COL24A1: variants seen among roughly 807,000 people sequenced by gnomAD.
The protein encoded by COL24A1 is collagen alpha-1(XXIV) chain.
In COL24A1, 224 loss-of-function variants were observed where a neutral mutation model predicts 253.9. The ratio of observed to expected loss-of-function variants is 0.88; its 90% CI spans 0.79 to 0.99. The LOEUF is 0.99. COL24A1 is among the 50% of genes least tolerant of loss of function. The probability of loss-of-function intolerance (pLI) is 0.00; values close to 1 mark genes in which losing one functional copy is unlikely to be tolerated. For missense variants in COL24A1, 2,131 were observed against 2,068.5 expected (o/e 1.03, Z -0.59); for synonymous variants, 685 against 673.7 (o/e 1.02, Z -0.26).
At position 85,874,658 on chromosome 1, in the gene COL24A1, T is replaced by C. The variant is rs200035755; in HGVS notation, c.3129A>G (p.Pro1043=). 35 of 1,612,512 alleles carry C rather than the reference T, an allele frequency of 2.2e-5. No homozygotes were observed. The highest frequency in any genetic ancestry group is 2.8e-5 in the Non-Finnish European group (33 of 1,179,942). ...TCAAGGGGGCACTCACCCGTAAACC[T>C]GGTTCCCCAGTTCCTCCAACACTGC... The part of the protein sequence containing the change: ...TAGSVGGTGE[P]GLRGEPGAPG... Residue 1043 remains proline (P), a synonymous_variant, in exon 35 of 60, where the codon CCA becomes CCG. Coordinates refer to ENST00000370571, the MANE Select transcript of COL24A1 (RefSeq NM_152890.7).
At chr1:86,121,230 T>C (rs1380851318) in intron 3 of COL24A1, among the ~76,000 whole-genome samples, 3 of 152,138 alleles carry the variant, frequency 2.0e-5, no homozygotes, top group African/African-American at 7.2e-5. Context: ...ACATGGCACA[T>C]GTATACATAT....
intron 59 of COL24A1, among the ~76,000 whole-genome samples, chr1:85,731,978 TA>T (rs1178479063): frequency 6.6e-6 from 1 of 151,920 alleles, no homozygotes; most frequent in African/African-American, 2.4e-5. Flanking sequence ...CACAAAAAAC[TA>T]AAAAACAGAA....
At chr1:86,023,153 T>C in intron 14 of COL24A1, 146 bp from the exon 15 acceptor site, 1 of 660,652 alleles carries the variant, frequency 1.5e-6, no homozygotes, top group Non-Finnish European at 2.6e-6. Flanking sequence ...CTTATTTTTC[T>C]CTCCACATTT....
intron 8 of COL24A1, among the ~76,000 whole-genome samples, chr1:86,059,895 T>A (rs757577326): frequency 1.3e-4 from 20 of 152,096 alleles, no homozygotes; most frequent in Non-Finnish European, 2.8e-4. Context: ...CAGTCTGTAA[T>A]CCAAAAGATA....
chr1:85,865,420 C>T (rs957425751), intron 37 of COL24A1, among the ~76,000 whole-genome samples: 1 of 152,076 alleles, frequency 6.6e-6, no homozygotes, highest in Non-Finnish European at 1.5e-5. Flanking sequence ...TAAAAAAACA[C>T]ACATGTGGTG....
chr1:85,781,471 C>A (rs1370556053), intron 51 of COL24A1, among the ~76,000 whole-genome samples, 198 bp from the exon 52 acceptor site: 1 of 152,042 alleles, frequency 6.6e-6, no homozygotes, highest in Non-Finnish European at 1.5e-5. Flanking sequence ...ATTAAAGTCT[C>A]TTATCAGGAG....
chr1:85,849,271 A>G, intron 38 of COL24A1, 82 bp downstream of exon 38: 1 of 970,750 alleles, frequency 1.0e-6, no homozygotes, highest in Non-Finnish European at 1.6e-6. Flanking sequence ...ATCTAGTCCA[A>G]ATTAAAAACA....
At chr1:86,147,406 A>T (rs894361425) in intron 1 of COL24A1, among the ~76,000 whole-genome samples, 6 of 152,242 alleles carry the variant, frequency 3.9e-5, no homozygotes, top group Non-Finnish European at 8.8e-5. Flanking sequence ...CACAGCTCTT[A>T]TAAGACAAGG....
At chr1:85,939,797 T>C (rs1211845597) in intron 24 of COL24A1, among the ~76,000 whole-genome samples, 4 of 152,154 alleles carry the variant, frequency 2.6e-5, no homozygotes, top group Non-Finnish European at 5.9e-5. Flanking sequence ...ATCTAGTGCC[T>C]AAGGAGTTCA....
chr1:86,023,459 G>A (rs527668946), intron 14 of COL24A1, among the ~76,000 whole-genome samples: 1 of 152,060 alleles, frequency 6.6e-6, no homozygotes, highest in South Asian at 2.1e-4. Context: ...CTAATGATTT[G>A]ATTTTATAAT....
At chr1:85,830,637 A>C (rs1675113144) in intron 43 of COL24A1, among the ~76,000 whole-genome samples, 1 of 152,110 alleles carries the variant, frequency 6.6e-6, no homozygotes, top group Admixed American at 6.6e-5. Flanking sequence ...TGCTGTTTTT[A>C]AAGCCCGTCG....
At chr1:85,961,541 G>T (rs182802270) in intron 23 of COL24A1, among the ~76,000 whole-genome samples, 105 of 152,192 alleles carry the variant, frequency 6.9e-4, no homozygotes, top group African/African-American at 2.0e-3. Flanking sequence ...TAAAAACTCT[G>T]TTATAGTATT....
rs186063872 is a variant in COL24A1 at position 85,864,110 on chromosome 1, T to C, written c.3300+4409A>G. Among the ~76,000 whole-genome samples the C allele has an allele frequency of 6.1e-4, 93 of 152,286 alleles. 1 individual carries two copies. The highest frequency in any genetic ancestry group is 2.1e-3 in the African/African-American group (89 of 41,566). On this transcript the variant is annotated intron_variant, in intron 37 of 59. Coordinates refer to ENST00000370571, the MANE Select transcript of COL24A1 (RefSeq NM_152890.7). Reference sequence around the variant, plus strand: ...AAAAACACATGCACACGTGGGTTTATTGCAGCACTATTCACAATAGCAAAG... The same window carrying C: ...AAAAACACATGCACACGTGGGTTTACTGCAGCACTATTCACAATAGCAAAG...
intron 3 of COL24A1, among the ~76,000 whole-genome samples, chr1:86,117,834 G>A (rs943242207): frequency 1.3e-5 from 2 of 152,102 alleles, no homozygotes; most frequent in African/African-American, 4.8e-5. Context: ...AAAAAGTAAT[G>A]GTTTTGCAAT....
intron 24 of COL24A1, among the ~76,000 whole-genome samples, chr1:85,912,500 T>C (rs1685470866): frequency 6.6e-6 from 1 of 152,206 alleles, no homozygotes; most frequent in Non-Finnish European, 1.5e-5. Flanking sequence ...CATACGATAG[T>C]ATACATTAGC....
chr1:85,865,607 C>T (rs968512463), intron 37 of COL24A1, among the ~76,000 whole-genome samples: 1 of 152,150 alleles, frequency 6.6e-6, no homozygotes, highest in African/African-American at 2.4e-5. Context: ...GGATTCCTTG[C>T]TGTGGTATTC....
In COL24A1 at chr1:85,781,282, G is replaced by A. The variant is rs768946532; in HGVS notation, c.4285-9C>T. 6.3e-7 allele frequency: 1 copy of A among 1,585,306 alleles called. No homozygotes were observed. The highest frequency in any genetic ancestry group is 1.8e-5 in the Admixed American group (1 of 56,856). On this transcript the variant is annotated splice_polypyrimidine_tract_variant and intron_variant, in intron 51 of 59. Coordinates refer to ENST00000370571, the MANE Select transcript of COL24A1 (RefSeq NM_152890.7). ...AGGGGACCAGTGTTTCCCTGTTGAGGTAAAAGAAAAACAGTCTCACTGTTA... is the reference window on the plus strand; with the variant it reads ...AGGGGACCAGTGTTTCCCTGTTGAGATAAAAGAAAAACAGTCTCACTGTTA...
intron 18 of COL24A1, among the ~76,000 whole-genome samples, chr1:86,017,906 G>GGA (rs1697147836): frequency 6.6e-6 from 1 of 152,038 alleles, no homozygotes; most frequent in African/African-American, 2.4e-5. Flanking sequence ...TCCTTTAATT[G>GGA]AAGTTTTAAG....
intron 24 of COL24A1, among the ~76,000 whole-genome samples, chr1:85,944,418 TTA>T (rs1019078436): frequency 6.6e-6 from 1 of 152,204 alleles, no homozygotes; most frequent in African/African-American, 2.4e-5. Context: ...GTTGTGTTTT[TTA>T]TGTTTCTCAA....
Sources: gnomAD v4.1 joint callset for allele counts (sites outside exome capture counted in the v4.1 genomes callset) on GRCh38, gnomAD v4.1.1 for gene constraint, MANE v1.5 for transcripts, NCBI Gene and HGNC (gene_info 2026-07-23, HGNC 2026-07-21) for gene names.